PTTG1IP: variants seen among roughly 807,000 people sequenced by gnomAD.
PTTG1IP encodes PTTG1 interacting protein.
A neutral mutation model predicts 24.4 loss-of-function variants in PTTG1IP; 16 were observed. That is an observed-to-expected ratio of 0.66 (90% CI 0.44 to 1.00). PTTG1IP has a LOEUF of 1.00. Ranked by LOEUF, PTTG1IP falls within the 50% of genes least tolerant of loss-of-function variation. PTTG1IP has a pLI of 0.00. For synonymous variants in PTTG1IP, 89 were observed against 96.8 expected, an observed-to-expected ratio of 0.92 and a Z score of 0.47; for missense variants, 241 against 245.8, an observed-to-expected ratio of 0.98 and a Z score of 0.13.
At chr21:44,861,851 TTG>T (rs1196600851) in intron 2 of PTTG1IP, 1 of 717,468 alleles carries the variant, frequency 1.4e-6, no homozygotes, top group Non-Finnish European at 2.6e-6. Context: ...CTCACTGAGT[TTG>T]TGTTGAATGG....
intron 2 of PTTG1IP, among the ~76,000 whole-genome samples, chr21:44,864,473 T>C (rs572549671): frequency 1.2e-4 from 19 of 152,254 alleles, no homozygotes; most frequent in Non-Finnish European, 4.4e-5. Flanking sequence ...CTTGGCTCAC[T>C]GCAACCTCCG....
intron 5 of PTTG1IP, among the ~76,000 whole-genome samples, chr21:44,854,960 G>T (rs369550415): frequency 6.6e-6 from 1 of 152,344 alleles, no homozygotes; most frequent in African/African-American, 2.4e-5. Flanking sequence ...CTTGGGACTC[G>T]ATAAGCAAAC....
At chr21:44,855,747 C>T (rs1436241275) in intron 4 of PTTG1IP, among the ~76,000 whole-genome samples, 1 of 151,902 alleles carries the variant, frequency 6.6e-6, no homozygotes, top group Non-Finnish European at 1.5e-5. Context: ...GATTACACCA[C>T]CTCCTCCTGG....
At chr21:44,861,582 C>G (rs1196573378) in intron 2 of PTTG1IP, 13 of 632,880 alleles carry the variant, frequency 2.1e-5, no homozygotes, top group Non-Finnish European at 3.2e-5. Context: ...CTGCCAACCC[C>G]ACCTCATGCT....
At chr21:44,856,151 C>A (rs191496905) in intron 4 of PTTG1IP, 42 bp downstream of exon 4, 1 of 1,613,648 alleles carries the variant, frequency 6.2e-7, no homozygotes. Context: ...GATCTGAATC[C>A]CCTCGAAGTA....
intron 1 of PTTG1IP, among the ~76,000 whole-genome samples, chr21:44,871,248 CA>C (rs1386373172): frequency 2.0e-5 from 3 of 152,086 alleles, no homozygotes; most frequent in African/African-American, 7.3e-5. Context: ...CTCAGGGTGA[CA>C]GGGGCAGAAC....
rs144707652 is a variant in PTTG1IP, at chr21:44,859,282, G to A, written c.277+1881C>T. ...AAGTCCAGTCAGTGGCTCCCATGGG[G>A]GTCCTGACAGGAATTGGGCCTTCTG... On this transcript the variant is annotated intron_variant, in intron 3 of 5. Coordinates refer to ENST00000330938, the MANE Select transcript of PTTG1IP (RefSeq NM_004339.4). Among the ~76,000 whole-genome samples, 168 of 152,346 alleles carry A rather than the reference G, an allele frequency of 1.1e-3. No homozygotes were observed. In the East Asian group the frequency reaches 0.011, roughly 10 times the overall value.
intron 1 of PTTG1IP, among the ~76,000 whole-genome samples, chr21:44,872,611 C>T (rs1263079707): frequency 6.6e-6 from 1 of 152,158 alleles, no homozygotes; most frequent in African/African-American, 2.4e-5. Flanking sequence ...CTGGATTTTC[C>T]CGCAGCCCAC....
chr21:44,855,555 A>G (rs1325131996), intron 4 of PTTG1IP, among the ~76,000 whole-genome samples: 1 of 152,230 alleles, frequency 6.6e-6, no homozygotes, highest in East Asian at 1.9e-4. Context: ...TTTTTCATAC[A>G]AAGAAAACAC....
At chr21:44,855,689 C>T (rs185726088) in intron 4 of PTTG1IP, among the ~76,000 whole-genome samples, 18 of 152,294 alleles carry the variant, frequency 1.2e-4, no homozygotes, top group East Asian at 5.8e-4. Flanking sequence ...CCTCGCCCGC[C>T]GCCAACCTGA....
At chr21:44,861,372 G>T in intron 2 of PTTG1IP, 101 bp from the exon 3 acceptor site, 1 of 1,001,730 alleles carries the variant, frequency 1.0e-6, no homozygotes, top group East Asian at 2.5e-5. Flanking sequence ...TCGCTCTGTG[G>T]ATGGCTGTAA....
intron 1 of PTTG1IP, among the ~76,000 whole-genome samples, chr21:44,868,643 A>C (rs1434446824): frequency 2.6e-5 from 4 of 152,160 alleles, no homozygotes; most frequent in Non-Finnish European, 5.9e-5. Flanking sequence ...ACAGTCATGA[A>C]CTCTAACCCC....
chr21:44,856,722 C>T (rs2083452283), intron 3 of PTTG1IP, among the ~76,000 whole-genome samples: 1 of 152,224 alleles, frequency 6.6e-6, no homozygotes, highest in Non-Finnish European at 1.5e-5. Context: ...TTCCAAGCTA[C>T]ATACTCAGAC....
At chr21:44,851,672 G>A in intron 5 of PTTG1IP, 45 bp from the exon 6 acceptor site, 1 of 1,531,628 alleles carries the variant, frequency 6.5e-7, no homozygotes, top group East Asian at 2.3e-5. Flanking sequence ...CATTCAACCA[G>A]AAACAAAATC....
At chr21:44,859,883 C>T (rs1260281304) in intron 3 of PTTG1IP, among the ~76,000 whole-genome samples, 2 of 152,080 alleles carry the variant, frequency 1.3e-5, no homozygotes, top group African/African-American at 4.8e-5. Flanking sequence ...GTAAGTAAGA[C>T]GTAAGTTGCA....
chr21:44,864,309 G>C (rs2146465966), intron 2 of PTTG1IP, among the ~76,000 whole-genome samples: 1 of 152,392 alleles, frequency 6.6e-6, no homozygotes, highest in East Asian at 1.9e-4. Context: ...TGCGTGGCAA[G>C]GCAAGCCCAA....
intron 5 of PTTG1IP, among the ~76,000 whole-genome samples, chr21:44,854,282 A>G (rs1282032918): frequency 2.0e-5 from 3 of 152,228 alleles, no homozygotes; most frequent in African/African-American, 7.2e-5. Context: ...ATTAGTCAGA[A>G]AAGGCTCTGA....
intron 1 of PTTG1IP, among the ~76,000 whole-genome samples, chr21:44,869,324 G>T (rs549869897): frequency 2.4e-4 from 36 of 152,198 alleles, no homozygotes; most frequent in Admixed American, 1.9e-3. Flanking sequence ...ATAAATTTCA[G>T]TTATGAAGAA....
intron 1 of PTTG1IP, among the ~76,000 whole-genome samples, chr21:44,869,941 A>G (rs1208163986): frequency 6.6e-6 from 1 of 152,178 alleles, no homozygotes; most frequent in East Asian, 1.9e-4. Context: ...TCTTGTGTGA[A>G]CTAAAAGAAC....
Sources: gnomAD v4.1 joint callset for allele counts (sites outside exome capture counted in the v4.1 genomes callset) on GRCh38, gnomAD v4.1.1 for gene constraint, MANE v1.5 for transcripts, NCBI Gene and HGNC (gene_info 2026-07-23, HGNC 2026-07-21) for gene names.